Variants in DMRT2 observed in about 807,000 individuals in gnomAD.
DMRT2 encodes doublesex and mab-3 related transcription factor 2, also known as doublesex- and mab-3-related transcription factor 2.
A neutral mutation model predicts 43.5 loss-of-function variants in DMRT2; 33 were observed. That is an observed-to-expected ratio of 0.76 (90% CI 0.58 to 1.01). The LOEUF is 1.01. Among genes scored for constraint, DMRT2 ranks in the 50% least tolerant of loss-of-function variants. The pLI, the probability that DMRT2 is intolerant of heterozygous loss-of-function variation, is 0.00. For missense variants in DMRT2, 1,064 were observed against 748.0 expected, an observed-to-expected ratio of 1.42 and a Z score of -4.93; for synonymous variants, 395 against 309.2, an observed-to-expected ratio of 1.28 and a Z score of -2.91.
At chr9:1,055,877 C>G (rs1226633114) in intron 3 of DMRT2, 6 of 1,505,694 alleles carry the variant, frequency 4.0e-6, no homozygotes. Flanking sequence ...GATAAATAGT[C>G]TTGTCTCTTA....
rs779292473 is a variant in DMRT2, at chr9:1,056,699, A to G, written c.1112A>G (p.Lys371Arg). Reference protein sequence around the residue: ...LNATTSVQALKPGASWDLKGA... With the variant: ...LNATTSVQALRPGASWDLKGA... ...GCCACCACCTCAGTTCAAGCCCTGA[A>G]GCCTGGGGCCAGCTGGGACTTGAAG... Residue 371 changes from lysine (K) to arginine (R), a missense_variant, in exon 4 of 4, where the codon AAG becomes AGG. Physicochemically the swap from Lys to Arg is conservative, Grantham distance 26. Transcript: ENST00000358146. 2 of 1,614,182 alleles carry G rather than the reference A, an allele frequency of 1.2e-6. No homozygotes were observed. Among genetic ancestry groups the G allele is most frequent in the Non-Finnish European group, 1.7e-6 (2 of 1,180,038 alleles).
intron 3 of DMRT2, chr9:1,055,809 TA>T (rs780075531): frequency 1.3e-6 from 2 of 1,508,796 alleles, no homozygotes; most frequent in South Asian, 2.6e-5. Context: ...GGTATAGATA[TA>T]TTTTTTAATA....
intron 3 of DMRT2, 193 bp from the exon 4 acceptor site, chr9:1,056,023 T>C (rs949905362): frequency 4.2e-6 from 6 of 1,420,848 alleles, no homozygotes; most frequent in Admixed American, 6.3e-5. Flanking sequence ...AGTTGCAGTA[T>C]GGATATCTTT....
Position 1,052,136 on chromosome 9 carries a change from G to A in DMRT2, c.523G>A (p.Glu175Lys). The change falls in exon 2 of 4, where the codon GAG becomes AAG. Residue 175 changes from glutamate to lysine, a missense_variant and splice_region_variant. Coordinates refer to ENST00000358146, the MANE Select transcript of DMRT2 (RefSeq NM_181872.6). ...GGCGCTCCGGAGGCAGCAGGCCACC[G>A]AGGTGCGTACCCGCCCGGCCCGGGC... is the stretch of plus-strand genomic sequence containing the variant. ...QVALRRQQAT[E>K]DKKGLSGKQN... 1 of 1,396,202 alleles carries A rather than the reference G, an allele frequency of 7.2e-7. No homozygotes were observed. The highest frequency in any genetic ancestry group is 9.2e-7 in the Non-Finnish European group (1 of 1,081,220). 86.5% of individuals were successfully genotyped at this position (1,396,202 alleles called of 1,614,324 possible). A position where few individuals can be genotyped will look rare whatever the true frequency, so the allele number is the denominator to read the frequency against.
chr9:1,052,155 C>G lies in DMRT2; in HGVS notation c.525+17C>G. 7.3e-7 allele frequency: 1 copy of G among 1,362,158 alleles called. No homozygotes were observed. Among genetic ancestry groups the G allele is most frequent in the Non-Finnish European group, 9.4e-7 (1 of 1,062,830 alleles). 84.4% of individuals were successfully genotyped at this position (1,362,158 alleles called of 1,614,324 possible). ...GCCACCGAGGTGCGTACCCGCCCGG[C>G]CCGGGCGTCTCAGGCCACAGTGGAG... On this transcript the variant is annotated intron_variant, in intron 2 of 3. Coordinates refer to ENST00000358146, the MANE Select transcript of DMRT2 (RefSeq NM_181872.6).
rs115043711 is a variant in DMRT2, at chr9:1,050,386, C to T, written c.-434C>T. 0.088 allele frequency: 13,452 copies of T among 152,316 alleles called. 796 individuals carry two copies. The highest frequency in any genetic ancestry group is 0.23 in the South Asian group (1,121 of 4,820). The allele number at this position is 152,316 out of a possible 1,614,324, so 9.4% of individuals were successfully genotyped here. On this transcript the variant is annotated 5_prime_UTR_variant, in exon 1 of 4. Transcript: ENST00000358146. Reference sequence around the variant, plus strand: ...GCGCTGCGCTGAATGCAACTGCGCGCGCCCGCCGGGTGAGCCAGCGATCTG... The same window carrying T: ...GCGCTGCGCTGAATGCAACTGCGCGTGCCCGCCGGGTGAGCCAGCGATCTG...
At chr9:1,055,663 T>A in intron 3 of DMRT2, 14 of 1,423,632 alleles carry the variant, frequency 9.8e-6, no homozygotes, top group Non-Finnish European at 1.3e-5. Context: ...CTTAAGCCTT[T>A]TTTTTCTTTT....
chr9:1,055,720 A>G (rs1317657846), intron 3 of DMRT2: 2 of 1,467,292 alleles, frequency 1.4e-6, no homozygotes, highest in Non-Finnish European at 1.8e-6. Flanking sequence ...CTTTTTTCCT[A>G]GTTCTCCTTG....
intron 3 of DMRT2, chr9:1,056,007 A>G (rs1455830505): frequency 7.1e-7 from 1 of 1,415,298 alleles, no homozygotes; most frequent in Non-Finnish European, 9.1e-7. Flanking sequence ...AACAACAACA[A>G]GAAGAAGTTG....
Position 1,056,871 on chromosome 9 carries a change from G to T in DMRT2, c.1284G>T (p.Ala428=), listed in dbSNP as rs138207989. The T allele has an allele frequency of 1.2e-6, 2 of 1,614,134 alleles. No homozygotes were observed. The highest frequency in any genetic ancestry group is 1.7e-6 in the Non-Finnish European group (2 of 1,180,032). The change falls in exon 4 of 4, where the codon GCG becomes GCT. Residue 428 remains alanine (A), a synonymous_variant. Transcript: ENST00000358146. ...ATCAGGCTGTCCCAGAGAGGTCCGC[G>T]TTCTCCCCACCCCGACGGAATTTCT... ...QGHQAVPERS[A]FSPPRRNFSP... is the part of the protein sequence containing the mutation.
chr9:1,051,954 C>T lies in DMRT2; in HGVS notation c.341C>T (p.Pro114Leu). 7.2e-7 allele frequency: 1 copy of T among 1,389,660 alleles called. No homozygotes were observed. Among genetic ancestry groups the T allele is most frequent in the Admixed American group, 3.4e-5 (1 of 29,558 alleles). 86.1% of individuals were successfully genotyped at this position (1,389,660 alleles called of 1,614,324 possible). A position where few individuals can be genotyped will look rare whatever the true frequency, so the allele number is the denominator to read the frequency against. ...ACTCCCGCGGGCGGCGGCGCGGAGCCGCGCAAGCTGAGCCGCACGCCCAAG... is the reference window on the plus strand; with the variant it reads ...ACTCCCGCGGGCGGCGGCGCGGAGCTGCGCAAGCTGAGCCGCACGCCCAAG... The part of the protein sequence containing the change: ...RCTPAGGGAE[P>L]RKLSRTPKCA... The change falls in exon 2 of 4, where the codon CCG becomes CTG. Residue 114 changes from proline to leucine, a missense_variant. Physicochemically the swap from Pro to Leu is moderately conservative, Grantham distance 98. Transcript: ENST00000358146. The surrounding 1 kb of genome is among the most constrained non-coding windows in gnomAD (Gnocchi z 5.9).
Position 1,056,455 on chromosome 9 carries a change from A to C in DMRT2, c.868A>C (p.Ser290Arg), listed in dbSNP as rs777041286. ...TTCCTACAAAAGTGCCTACAGCCCC[A>C]GCCCAGTGGAACCACCAAGCAAGGA... ...YNSYKSAYSPSPVEPPSKDFC... is the reference protein window; with the variant it reads ...YNSYKSAYSPRPVEPPSKDFC... Residue 290 changes from serine (S) to arginine (R), a missense_variant, in exon 4 of 4, where the codon AGC (serine) becomes CGC (arginine). Coordinates refer to ENST00000358146, the MANE Select transcript of DMRT2 (RefSeq NM_181872.6). 2 of 1,614,198 alleles carry C rather than the reference A, an allele frequency of 1.2e-6. No individual in the cohort carries two copies. The highest frequency in any genetic ancestry group is 2.2e-5 in the South Asian group (2 of 91,088).
chr9:1,052,153 G>T lies in DMRT2; in HGVS notation c.525+15G>T. On this transcript the variant is annotated intron_variant, in intron 2 of 3. Transcript: ENST00000358146. ...AGGCCACCGAGGTGCGTACCCGCCC[G>T]GCCCGGGCGTCTCAGGCCACAGTGG... The T allele has an allele frequency of 1.5e-6, 2 of 1,365,104 alleles. No homozygotes were observed. The highest frequency in any genetic ancestry group is 1.9e-6 in the Non-Finnish European group (2 of 1,064,684). 84.6% of individuals were successfully genotyped at this position (1,365,104 alleles called of 1,614,324 possible).
Position 1,053,666 on chromosome 9 carries a change from C to T in DMRT2, c.526-56C>T, listed in dbSNP as rs776402733. The T allele has an allele frequency of 2.8e-3, 4,148 of 1,471,134 alleles. 11 individuals are homozygous for T. Among genetic ancestry groups the T allele is most frequent in the Non-Finnish European group, 3.4e-3 (3,586 of 1,064,418 alleles). 91.1% of individuals were successfully genotyped at this position (1,471,134 alleles called of 1,614,324 possible). A position where few individuals can be genotyped will look rare whatever the true frequency, so the allele number is the denominator to read the frequency against. Reference sequence around the variant, plus strand: ...ATTTACGGACATCCCGTCCTTCCCCCTTCTCGCCCCCATTTTCTTTCAGGG... The same window carrying T: ...ATTTACGGACATCCCGTCCTTCCCCTTTCTCGCCCCCATTTTCTTTCAGGG... On this transcript the variant is annotated intron_variant, in intron 2 of 3. Transcript: ENST00000358146.
Position 1,052,036 on chromosome 9 carries a change from C to G in DMRT2, c.423C>G (p.Phe141Leu). ...VVSCLKGHKR[F>L]CRWRDCQCAN... ...CCTGCCTGAAGGGCCACAAGCGCTTCTGTCGCTGGCGCGACTGCCAGTGCG... is the reference window on the plus strand; with the variant it reads ...CCTGCCTGAAGGGCCACAAGCGCTTGTGTCGCTGGCGCGACTGCCAGTGCG... The change falls in exon 2 of 4, where the codon TTC (phenylalanine) becomes TTG (leucine). Residue 141 changes from phenylalanine (F) to leucine (L), a missense_variant. Phe to Leu is a conservative substitution (Grantham distance 22, BLOSUM62 0). Coordinates refer to ENST00000358146, the MANE Select transcript of DMRT2 (RefSeq NM_181872.6). The G allele has an allele frequency of 2.0e-6, 3 of 1,474,978 alleles. No individual in the cohort carries two copies. The highest frequency in any genetic ancestry group is 2.7e-6 in the Non-Finnish European group (3 of 1,119,540). The allele number at this position is 1,474,978 out of a possible 1,614,324, so 91.4% of individuals were successfully genotyped here.
chr9:1,053,596 A>T, intron 2 of DMRT2, 126 bp from the exon 3 acceptor site: 1 of 843,358 alleles, frequency 1.2e-6, no homozygotes, highest in Non-Finnish European at 1.9e-6. Context: ...TTTCACACGG[A>T]ATGGGAAAAT....
intron 3 of DMRT2, 139 bp downstream of exon 3, chr9:1,053,963 G>A: frequency 1.5e-6 from 1 of 660,654 alleles, no homozygotes; most frequent in Non-Finnish European, 2.4e-6. Flanking sequence ...TTGTTTAGGT[G>A]TTCGCTGAGC....
In DMRT2 at chr9:1,051,101, G is replaced by A. The variant is rs1361736240; in HGVS notation, c.-45+326G>A. On this transcript the variant is annotated intron_variant, in intron 1 of 3. Coordinates refer to ENST00000358146, the MANE Select transcript of DMRT2 (RefSeq NM_181872.6). The surrounding 1 kb of genome is among the most constrained non-coding windows in gnomAD (Gnocchi z 5.9). ...TAGGCTGATGAGAGGCATTTGGGAAGCATAGAGTGGTACTTCAGTGAGTCT... is the reference window on the plus strand; with the variant it reads ...TAGGCTGATGAGAGGCATTTGGGAAACATAGAGTGGTACTTCAGTGAGTCT... Among the ~76,000 whole-genome samples, 7 of 152,176 alleles carry A rather than the reference G, an allele frequency of 4.6e-5. No homozygotes were observed. Among genetic ancestry groups the A allele is most frequent in the Non-Finnish European group, 8.8e-5 (6 of 68,030 alleles).
chr9:1,057,153 A>T lies in DMRT2; in HGVS notation c.1566A>T (p.Ala522=). 6.2e-7 allele frequency: 1 copy of T among 1,614,166 alleles called. No homozygotes were observed. Among genetic ancestry groups the T allele is most frequent in the Non-Finnish European group, 8.5e-7 (1 of 1,180,036 alleles). Residue 522 remains alanine (A), a synonymous_variant, in exon 4 of 4, where the codon GCA becomes GCT. Transcript: ENST00000358146. ...ACACATTTACAATAGATAGATGTGC[A>T]AAAGACCTTTTTGTAGCCAAACAAG... ...QKYTFTIDRC[A]KDLFVAKQVG...
Sources: allele counts gnomAD v4.1 joint callset (sites outside exome capture counted in the v4.1 genomes callset), GRCh38; gene constraint gnomAD v4.1.1; non-coding constraint Gnocchi (gnomAD v3.1); transcripts MANE v1.5; gene names NCBI Gene and HGNC (gene_info 2026-07-23, HGNC 2026-07-21).